Variants in EPAS1 observed in about 807,000 individuals in gnomAD.
EPAS1 encodes endothelial PAS domain protein 1, also known as endothelial PAS domain-containing protein 1.
A neutral mutation model predicts 87.9 loss-of-function variants in EPAS1; 23 were observed. The ratio of observed to expected loss-of-function variants is 0.26; its 90% CI spans 0.19 to 0.37. The LOEUF (loss-of-function observed/expected upper bound fraction) is 0.37. Among genes scored for constraint, EPAS1 ranks in the 10% least tolerant of loss-of-function variants. EPAS1 has a pLI of 1.00. For missense variants in EPAS1, 1,138 were observed against 1,120.7 expected, an observed-to-expected ratio of 1.02 and a Z score of -0.22; for synonymous variants, 508 against 444.3, an observed-to-expected ratio of 1.14 and a Z score of -1.80.
chr2:46,374,324 T>C (rs1469930704), intron 7 of EPAS1, among the ~76,000 whole-genome samples: 1 of 152,140 alleles, frequency 6.6e-6, no homozygotes, highest in Non-Finnish European at 1.5e-5. Flanking sequence ...CATGAGACTA[T>C]CTACCAACGT....
Position 46,375,818 on chromosome 2 carries a change from T to A in EPAS1, c.1015T>A (p.Cys339Ser). 6.2e-7 allele frequency: 1 copy of A among 1,614,202 alleles called. No homozygotes were observed. Among genetic ancestry groups the A allele is most frequent in the Non-Finnish European group, 8.5e-7 (1 of 1,180,042 alleles). The change falls in exon 8 of 16, where the codon TGT becomes AGT. Residue 339 changes from cysteine to serine, a missense_variant. Cys to Ser is a moderately radical substitution (Grantham distance 112). Coordinates refer to ENST00000263734, the MANE Select transcript of EPAS1 (RefSeq NM_001430.5). This position sits in a 1 kb window ranked among gnomAD's most constrained non-coding sequence, Gnocchi z 4.1. ...CAACCTGCAGCCCCAGTGCATCATG[T>A]GTGTCAACTACGTCCTGAGGTAAGC... Reference protein sequence around the residue: ...PRNLQPQCIMCVNYVLSEIEK... With the variant: ...PRNLQPQCIMSVNYVLSEIEK...
chr2:46,328,409 A>C (rs1424665044), intron 1 of EPAS1, among the ~76,000 whole-genome samples: 1 of 152,192 alleles, frequency 6.6e-6, no homozygotes, highest in Non-Finnish European at 1.5e-5. Flanking sequence ...GCTTTATTCT[A>C]AGGGAGGAAA....
intron 6 of EPAS1, among the ~76,000 whole-genome samples, chr2:46,361,610 T>C (rs1250189410): frequency 3.3e-5 from 5 of 152,194 alleles, no homozygotes; most frequent in Non-Finnish European, 7.3e-5. Context: ...CTGAGCCAGA[T>C]GCTAACCCCC....
At chr2:46,298,525 C>G (rs567341336) in intron 1 of EPAS1, among the ~76,000 whole-genome samples, 1 of 152,236 alleles carries the variant, frequency 6.6e-6, no homozygotes, top group African/African-American at 2.4e-5. Context: ...GTTGGAGAAC[C>G]CACTTCCTCG....
intron 1 of EPAS1, among the ~76,000 whole-genome samples, chr2:46,328,101 C>G (rs557058437): frequency 6.6e-6 from 1 of 152,312 alleles, no homozygotes; most frequent in Non-Finnish European, 1.5e-5. Context: ...GCAGATCGGG[C>G]TGTTAGTGAC....
At chr2:46,349,077 A>G (rs926701790) in intron 2 of EPAS1, among the ~76,000 whole-genome samples, 3 of 152,228 alleles carry the variant, frequency 2.0e-5, no homozygotes, top group African/African-American at 4.8e-5. Context: ...GACATGGGAC[A>G]GCAAGAGCAT....
intron 1 of EPAS1, among the ~76,000 whole-genome samples, chr2:46,336,182 A>G (rs560643955): frequency 1.2e-4 from 19 of 152,272 alleles, no homozygotes; most frequent in Admixed American, 1.0e-3. Context: ...GAAAAGAGCA[A>G]AGGGCATTTT....
chr2:46,299,427 C>T (rs942079959), intron 1 of EPAS1, among the ~76,000 whole-genome samples: 1 of 152,186 alleles, frequency 6.6e-6, no homozygotes, highest in Non-Finnish European at 1.5e-5. Context: ...CCAGGGCCCT[C>T]GGAGCAGTCC....
intron 7 of EPAS1, among the ~76,000 whole-genome samples, chr2:46,374,172 A>C (rs1397143405): frequency 6.6e-6 from 1 of 152,242 alleles, no homozygotes; most frequent in Non-Finnish European, 1.5e-5. Context: ...GTAAAGGATT[A>C]CCAAACTGCA....
At position 46,380,469 on chromosome 2, in the gene EPAS1, C is replaced by G. The variant is rs770476557; in HGVS notation, c.1797C>G (p.Pro599=). 3.7e-6 allele frequency: 6 copies of G among 1,614,130 alleles called. No individual in the cohort carries two copies. The highest frequency in any genetic ancestry group is 3.3e-5 in the South Asian group (3 of 91,084). ...AGCTGGAGAGCAAGAAGACAGAGCC[C>G]GAGCACCGGCCCATGTCCTCCATCT... is the stretch of plus-strand genomic sequence containing the variant. ...QQQLESKKTE[P]EHRPMSSIFF... The change falls in exon 12 of 16, where the codon CCC becomes CCG. Residue 599 remains proline (P), a synonymous_variant. Coordinates refer to ENST00000263734, the MANE Select transcript of EPAS1 (RefSeq NM_001430.5). This position sits in a 1 kb window ranked among gnomAD's most constrained non-coding sequence, Gnocchi z 4.4.
chr2:46,320,863 G>A (rs926776096), intron 1 of EPAS1, among the ~76,000 whole-genome samples: 3 of 152,290 alleles, frequency 2.0e-5, no homozygotes, highest in Non-Finnish European at 2.9e-5. Context: ...TGGTTAAATC[G>A]TTTTTTATTG....
chr2:46,370,948 A>G (rs925998865), intron 7 of EPAS1, among the ~76,000 whole-genome samples: 3 of 152,178 alleles, frequency 2.0e-5, no homozygotes, highest in South Asian at 2.1e-4. Flanking sequence ...ATTTCTGAGG[A>G]AAAAAGAGGA....
chr2:46,313,681 C>A (rs1307175220), intron 1 of EPAS1, among the ~76,000 whole-genome samples: 1 of 152,132 alleles, frequency 6.6e-6, no homozygotes, highest in East Asian at 1.9e-4. Context: ...CAAACTCTGA[C>A]CTCAGGTGAT....
chr2:46,353,419 C>T (rs540571902), intron 2 of EPAS1, among the ~76,000 whole-genome samples: 5 of 152,312 alleles, frequency 3.3e-5, no homozygotes, highest in South Asian at 2.1e-4. Flanking sequence ...TCTTAGAGGG[C>T]GCCACACTTA....
At chr2:46,370,032 C>T in intron 7 of EPAS1, 99 bp downstream of exon 7, 1 of 884,950 alleles carries the variant, frequency 1.1e-6, no homozygotes, top group Non-Finnish European at 1.8e-6. Flanking sequence ...TCACTTCCTC[C>T]ACAGAGCTGC....
chr2:46,343,837 A>C (rs1028547175), intron 1 of EPAS1, among the ~76,000 whole-genome samples: 12 of 152,240 alleles, frequency 7.9e-5, no homozygotes, highest in African/African-American at 2.7e-4. Context: ...TAGCTCTGCC[A>C]CTGATTAGCT....
At chr2:46,323,477 G>T (rs1369633887) in intron 1 of EPAS1, among the ~76,000 whole-genome samples, 3 of 152,196 alleles carry the variant, frequency 2.0e-5, no homozygotes, top group Admixed American at 1.3e-4. Context: ...AGGCCCGTGG[G>T]CAGTAGATGC....
chr2:46,346,907 G>A lies in EPAS1; in HGVS notation c.61G>A (p.Asp21Asn). 6.2e-7 allele frequency: 1 copy of A among 1,614,216 alleles called. No homozygotes were observed. The highest frequency in any genetic ancestry group is 8.5e-7 in the Non-Finnish European group (1 of 1,180,040). ...GGAGAGGAGGAAGGAGAAGTCCCGG[G>A]ATGCTGCGCGGTGCCGGCGGAGCAA... ...SSERRKEKSR[D>N]AARCRRSKET... The change falls in exon 2 of 16, where the codon GAT (aspartate) becomes AAT (asparagine). Residue 21 changes from aspartate (D) to asparagine (N), a missense_variant. By Grantham distance (23) the Asp-to-Asn change is conservative. This residue lies in a region of EPAS1 where 351 missense variants were observed against 417.1 expected (regional missense o/e 0.84). Coordinates refer to ENST00000263734, the MANE Select transcript of EPAS1 (RefSeq NM_001430.5). This position sits in a 1 kb window ranked among gnomAD's most constrained non-coding sequence, Gnocchi z 4.0.
At chr2:46,381,414 G>T in intron 12 of EPAS1, 182 bp from the exon 13 acceptor site, 1 of 889,644 alleles carries the variant, frequency 1.1e-6, no homozygotes, top group East Asian at 2.7e-5. Context: ...TTATAGCTGA[G>T]GAAGGAGACA....
Sources: allele counts gnomAD v4.1 joint callset (sites outside exome capture counted in the v4.1 genomes callset), GRCh38; gene constraint gnomAD v4.1.1; regional missense constraint gnomAD v4.1.1; non-coding constraint Gnocchi (gnomAD v3.1); transcripts MANE v1.5; gene names NCBI Gene and HGNC (gene_info 2026-07-23, HGNC 2026-07-21).